The following APP variants were observed in gnomAD, a reference collection of about 807,000 sequenced individuals.
APP encodes the protein amyloid-beta precursor protein.
In APP, 31 loss-of-function variants were observed where a neutral mutation model predicts 101.4. The observed-to-expected ratio is 0.31, with a 90% CI of 0.23 to 0.41. APP has a LOEUF of 0.41. APP is among the 10% of genes least tolerant of loss of function. The probability of loss-of-function intolerance (pLI) is 1.00; values close to 1 mark genes in which losing one functional copy is unlikely to be tolerated. For missense variants in APP, 839 were observed against 1,003.7 expected (o/e 0.84, Z 2.22); for synonymous variants, 366 against 364.4 (o/e 1.00, Z -0.05).
chr21:26,129,296 C>A (rs45506891), intron 1 of APP, among the ~76,000 whole-genome samples: 13,997 of 151,988 alleles, frequency 0.092, 886 homozygotes, highest in Admixed American at 0.15. Context: ...GATGGTGAAA[C>A]CCCGTCTCTA....
intron 6 of APP, among the ~76,000 whole-genome samples, chr21:26,001,926 A>G (rs2043314778): frequency 2.5e-5 from 1 of 40,590 alleles, no homozygotes; most frequent in Non-Finnish European, 5.5e-5. Context: ...CCTAGACCCA[A>G]TTCACTTTTA....
chr21:26,168,751 T>C (rs969893908), intron 1 of APP, among the ~76,000 whole-genome samples: 1 of 152,250 alleles, frequency 6.6e-6, no homozygotes, highest in Admixed American at 6.5e-5. Flanking sequence ...AGAATTCTCT[T>C]AGTTAAGTGC....
intron 15 of APP, among the ~76,000 whole-genome samples, chr21:25,899,941 T>C (rs2038329344): frequency 6.6e-6 from 1 of 152,194 alleles, no homozygotes; most frequent in Non-Finnish European, 1.5e-5. Context: ...TTTCTCATTC[T>C]TTAACTCTGG....
chr21:26,164,392 T>G (rs763323020), intron 1 of APP, among the ~76,000 whole-genome samples: 2 of 152,264 alleles, frequency 1.3e-5, no homozygotes, highest in Non-Finnish European at 2.9e-5. Context: ...ATTCTTTTGC[T>G]GGCATTTGAA....
chr21:26,156,058 T>C (rs145582565), intron 1 of APP, among the ~76,000 whole-genome samples: 6 of 152,144 alleles, frequency 3.9e-5, no homozygotes, highest in African/African-American at 1.4e-4. Context: ...GAATCCTAAT[T>C]ATCAACTGTA....
intron 3 of APP, among the ~76,000 whole-genome samples, chr21:26,077,447 T>C (rs896507141): frequency 3.9e-5 from 6 of 152,210 alleles, no homozygotes; most frequent in Non-Finnish European, 7.3e-5. Flanking sequence ...TACAACGCTG[T>C]TATTTTGTAC....
At chr21:25,928,397 A>G (rs985520490) in intron 13 of APP, among the ~76,000 whole-genome samples, 4 of 151,900 alleles carry the variant, frequency 2.6e-5, no homozygotes, top group African/African-American at 9.7e-5. Context: ...TATACTACAG[A>G]AATAATCTCT....
chr21:26,141,701 T>C (rs1383745983), intron 1 of APP, among the ~76,000 whole-genome samples: 1 of 152,238 alleles, frequency 6.6e-6, no homozygotes, highest in Non-Finnish European at 1.5e-5. Flanking sequence ...TTCTCTGGGC[T>C]GTATTATTTC....
In APP at chr21:25,894,796, C is replaced by T. The variant is rs868853044; in HGVS notation, c.2064+2777G>A. Among the ~76,000 whole-genome samples, 23 of 152,280 alleles carry T rather than the reference C, an allele frequency of 1.5e-4. No individual in the cohort carries two copies. The Middle Eastern group carries it at 0.01, about 68-fold the overall frequency. ...CTCGATGAAGCAGTGGCTAGATTTG[C>T]GAAGACTGACTCCAATTTTGAAAGC... On this transcript the variant is annotated intron_variant, in intron 16 of 17. Transcript: ENST00000346798.
At chr21:26,066,382 G>A (rs1400372740) in intron 3 of APP, among the ~76,000 whole-genome samples, 1 of 151,954 alleles carries the variant, frequency 6.6e-6, no homozygotes, top group Non-Finnish European at 1.5e-5. Context: ...TCATATCGTT[G>A]TACAACCATC....
chr21:25,964,946 T>C (rs2041734787), intron 11 of APP, among the ~76,000 whole-genome samples: 1 of 152,206 alleles, frequency 6.6e-6, no homozygotes, highest in Admixed American at 6.5e-5. Flanking sequence ...TTCCAGGGTA[T>C]TTTGCTAGTT....
At chr21:25,892,104 T>C (rs962150459) in intron 16 of APP, among the ~76,000 whole-genome samples, 1 of 150,872 alleles carries the variant, frequency 6.6e-6, no homozygotes, top group Non-Finnish European at 1.5e-5. Flanking sequence ...ATAATCATAG[T>C]TTATAGAAGG....
chr21:26,146,530 G>A (rs988773302), intron 1 of APP, among the ~76,000 whole-genome samples: 1 of 152,020 alleles, frequency 6.6e-6, no homozygotes, highest in African/African-American at 2.4e-5. Flanking sequence ...ACGTCTAATA[G>A]AGATTCTGTT....
At chr21:25,889,901 C>T (rs2037575914) in intron 17 of APP, among the ~76,000 whole-genome samples, 1 of 151,696 alleles carries the variant, frequency 6.6e-6, no homozygotes, top group Non-Finnish European at 1.5e-5. Flanking sequence ...TGAAAAAAAC[C>T]AAAACAACAA....
intron 13 of APP, among the ~76,000 whole-genome samples, chr21:25,931,039 TG>T (rs2040124035): frequency 6.6e-6 from 1 of 152,206 alleles, no homozygotes; most frequent in Non-Finnish European, 1.5e-5. Context: ...CATAAACTAG[TG>T]AGCCCCTCCC....
intron 6 of APP, among the ~76,000 whole-genome samples, chr21:26,020,317 T>G (rs2044281892): frequency 6.6e-6 from 1 of 152,202 alleles, no homozygotes; most frequent in Admixed American, 6.5e-5. Context: ...GTATGTGTGA[T>G]CTTACTGGAG....
intron 13 of APP, among the ~76,000 whole-genome samples, chr21:25,941,019 A>C (rs916462539): frequency 6.6e-6 from 1 of 152,240 alleles, no homozygotes; most frequent in African/African-American, 2.4e-5. Context: ...TGGTATTTGC[A>C]ATACATACTT....
At chr21:25,895,156 G>T (rs9976487) in intron 16 of APP, among the ~76,000 whole-genome samples, 56,813 of 149,210 alleles carry the variant, frequency 0.38, 11,113 homozygotes, top group Non-Finnish European at 0.42. Flanking sequence ...TAACAGACTA[G>T]AGTATAGTGT....
intron 5 of APP, among the ~76,000 whole-genome samples, chr21:26,046,730 C>G (rs190393050): frequency 4.1e-4 from 62 of 152,278 alleles, no homozygotes; most frequent in African/African-American, 1.4e-3. Flanking sequence ...ATTAGAGGGT[C>G]TTCTAACATT....
Sources: allele counts gnomAD v4.1 joint callset (sites outside exome capture counted in the v4.1 genomes callset), GRCh38; gene constraint gnomAD v4.1.1; transcripts MANE v1.5; gene names NCBI Gene and HGNC (gene_info 2026-07-23, HGNC 2026-07-21).